The following LEPROTL1 variants were observed in gnomAD, a reference collection of about 807,000 sequenced individuals.
The protein encoded by LEPROTL1 is leptin receptor overlapping transcript like 1, also known as leptin receptor overlapping transcript-like 1.
In LEPROTL1, 6 loss-of-function variants were observed where a neutral mutation model predicts 15.4. That is an observed-to-expected ratio of 0.39 (90% CI 0.21 to 0.77). The LOEUF is 0.77. Ranked by LOEUF, LEPROTL1 falls within the 30% of genes least tolerant of loss-of-function variation. LEPROTL1 has a pLI of 0.41. For synonymous variants in LEPROTL1, 56 were observed against 52.6 expected, an observed-to-expected ratio of 1.06 and a Z score of -0.28; for missense variants, 128 against 158.1, an observed-to-expected ratio of 0.81 and a Z score of 1.02.
At chr8:30,127,206 A>T (rs1189572208) in intron 3 of LEPROTL1, among the ~76,000 whole-genome samples, 1 of 152,206 alleles carries the variant, frequency 6.6e-6, no homozygotes, top group Non-Finnish European at 1.5e-5. Flanking sequence ...TTTTCTTATT[A>T]ACCTTTGCCA....
downstream of LEPROTL1, among the ~76,000 whole-genome samples, chr8:30,109,303 C>T (rs1475412768): frequency 1.3e-5 from 2 of 152,104 alleles, no homozygotes; most frequent in African/African-American, 2.4e-5. Flanking sequence ...TTGTATTGCC[C>T]TTTCTTTCAG....
rs1204965079 is a variant in LEPROTL1 at position 30,105,726 on chromosome 8, A to G, written c.280-20A>G. The G allele has an allele frequency of 6.3e-7, 1 of 1,593,120 alleles. No individual in the cohort carries two copies. Among genetic ancestry groups the G allele is most frequent in the Admixed American group, 1.7e-5 (1 of 57,480 alleles). ...TTTCGTTTTTCATGCCTGTTGACTG[A>G]GTGTATCTTATTTCCATAGATTGAG... On this transcript the variant is annotated intron_variant, in intron 3 of 3. Coordinates refer to ENST00000321250, the MANE Select transcript of LEPROTL1 (RefSeq NM_015344.3).
Position 30,106,748 on chromosome 8 carries a change from G to A in LEPROTL1, c.*886G>A. The A allele has an allele frequency of 3.0e-6, 3 of 984,840 alleles. No homozygotes were observed. The highest frequency in any genetic ancestry group is 3.6e-6 in the Non-Finnish European group (3 of 829,088). The allele number at this position is 984,840 out of a possible 1,614,324, so 61.0% of individuals were successfully genotyped here. The stretch of plus-strand genomic sequence containing the variant: ...CTTTCATGTTTTACCCTGTTAAAAT[G>A]GACATACATGGAACCACTACTGATG... On this transcript the variant is annotated 3_prime_UTR_variant, in exon 4 of 4. Transcript: ENST00000321250.
intron 3 of LEPROTL1, chr8:30,117,692 C>T: frequency 2.1e-6 from 3 of 1,454,040 alleles, no homozygotes; most frequent in Middle Eastern, 4.8e-4. Flanking sequence ...TGGAGCACGG[C>T]CTAATAAGCA....
At chr8:30,114,185 G>A (rs1046585388) in intron 3 of LEPROTL1, among the ~76,000 whole-genome samples, 2 of 152,122 alleles carry the variant, frequency 1.3e-5, no homozygotes, top group South Asian at 2.1e-4. Context: ...TTTAACACTC[G>A]TCCTGAGACA....
intron 3 of LEPROTL1, among the ~76,000 whole-genome samples, chr8:30,131,593 G>A (rs1803017116): frequency 6.6e-6 from 1 of 152,104 alleles, no homozygotes; most frequent in Admixed American, 6.5e-5. Flanking sequence ...AGGATCAGGT[G>A]GGTCAACTGA....
At chr8:30,127,866 G>C (rs924378452) in intron 3 of LEPROTL1, among the ~76,000 whole-genome samples, 1 of 151,924 alleles carries the variant, frequency 6.6e-6, no homozygotes, top group African/African-American at 2.4e-5. Context: ...CAGAAGGTTA[G>C]TGATTGAATT....
chr8:30,113,886 A>C (rs1303873172), intron 3 of LEPROTL1, among the ~76,000 whole-genome samples: 1 of 152,136 alleles, frequency 6.6e-6, no homozygotes, highest in African/African-American at 2.4e-5. Flanking sequence ...GAAACAATGG[A>C]ATACACCGAA....
intron 4 of LEPROTL1, among the ~76,000 whole-genome samples, chr8:30,136,522 C>G (rs1260681010): frequency 6.6e-6 from 1 of 152,178 alleles, no homozygotes; most frequent in Non-Finnish European, 1.5e-5. Flanking sequence ...GCAGAGCCCC[C>G]CATTCCAGGT....
At chr8:30,116,207 T>TC (rs971178068) in intron 3 of LEPROTL1, among the ~76,000 whole-genome samples, 3 of 152,190 alleles carry the variant, frequency 2.0e-5, no homozygotes, top group Non-Finnish European at 4.4e-5. Context: ...GCCACTGTGT[T>TC]CCAGCCTGGG....
At chr8:30,102,341 A>AG (rs950017869) in intron 2 of LEPROTL1, among the ~76,000 whole-genome samples, 16 of 151,344 alleles carry the variant, frequency 1.1e-4, no homozygotes, top group South Asian at 8.4e-4. Flanking sequence ...ATTAAAAAAA[A>AG]AGAGAGAGAT....
downstream of LEPROTL1, among the ~76,000 whole-genome samples, chr8:30,109,365 C>G (rs916916533): frequency 6.6e-6 from 1 of 152,114 alleles, no homozygotes; most frequent in Non-Finnish European, 1.5e-5. Context: ...TTATGGCATT[C>G]TCAAGGAAGA....
intron 3 of LEPROTL1, among the ~76,000 whole-genome samples, chr8:30,114,756 T>G (rs767675371): frequency 6.6e-6 from 1 of 152,230 alleles, no homozygotes; most frequent in African/African-American, 2.4e-5. Flanking sequence ...TCACTCAATG[T>G]ATCACAGATT....
rs142478745 is a variant in LEPROTL1, at chr8:30,136,253, C to T, written c.395-1019C>T. 1.4e-4 allele frequency among the ~76,000 whole-genome samples: 21 copies of T among 152,214 alleles called. No homozygotes were observed. The East Asian group carries it at 3.9e-3, about 28-fold the overall frequency. The stretch of plus-strand genomic sequence containing the variant: ...GGTTAAATGAGGTCATTAGGATGGG[C>T]GCTAATCCAATATGCACAGAGTCCT... On this transcript the variant is annotated intron_variant, in intron 4 of 4. Transcript: ENST00000442880.
In LEPROTL1 at chr8:30,104,282, T is replaced by A; in HGVS notation, c.93-18T>A. ...ATGACATAGCAAAAATTACATTAAC[T>A]TATTTTTCTTTTTCTAGCAAATACT... On this transcript the variant is annotated intron_variant, in intron 2 of 3. Transcript: ENST00000321250. The A allele has an allele frequency of 7.0e-7, 1 of 1,428,456 alleles. No individual in the cohort carries two copies. Among genetic ancestry groups the A allele is most frequent in the Non-Finnish European group, 9.4e-7 (1 of 1,066,920 alleles). 88.5% of individuals were successfully genotyped at this position (1,428,456 alleles called of 1,614,324 possible). A position where few individuals can be genotyped will look rare whatever the true frequency, so the allele number is the denominator to read the frequency against.
At chr8:30,110,369 G>A (rs1253318234), downstream of LEPROTL1, among the ~76,000 whole-genome samples, 2 of 152,028 alleles carry the variant, frequency 1.3e-5, no homozygotes, top group East Asian at 3.9e-4. Context: ...AGTACTCCGT[G>A]TGTGTGTGTG....
downstream of LEPROTL1, among the ~76,000 whole-genome samples, chr8:30,109,101 A>T (rs1473576550): frequency 6.7e-6 from 1 of 150,048 alleles, no homozygotes; most frequent in Admixed American, 6.7e-5. Context: ...AATAATCCAG[A>T]TTTCTAAAGT....
intron 3 of LEPROTL1, chr8:30,132,089 A>G: frequency 6.4e-7 from 1 of 1,551,784 alleles, no homozygotes; most frequent in Middle Eastern, 1.7e-4. Context: ...GCAATGATCA[A>G]CTGGGTGTGG....
chr8:30,117,493 G>A (rs763972017), intron 3 of LEPROTL1: 74 of 1,434,594 alleles, frequency 5.2e-5, no homozygotes, highest in Non-Finnish European at 6.9e-5. Flanking sequence ...CTGAAGGGAT[G>A]GAAACAGATT....
Sources: gnomAD v4.1 joint callset for allele counts (sites outside exome capture counted in the v4.1 genomes callset) on GRCh38, gnomAD v4.1.1 for gene constraint, MANE v1.5 for transcripts, NCBI Gene and HGNC (gene_info 2026-07-23, HGNC 2026-07-21) for gene names.